Variants in PPP2R3A observed in about 807,000 individuals in gnomAD.
PPP2R3A encodes protein phosphatase 2 regulatory subunit B''alpha, also known as serine/threonine-protein phosphatase 2A regulatory subunit B'' subunit alpha.
Under a neutral mutation model 106.9 loss-of-function variants are expected in PPP2R3A, and 80 were observed. The observed-to-expected ratio is 0.75, with a 90% CI of 0.62 to 0.90. The LOEUF is 0.90. Among genes scored for constraint, PPP2R3A ranks in the 40% least tolerant of loss-of-function variants. PPP2R3A has a pLI of 0.00. For synonymous variants in PPP2R3A, 483 were observed against 468.3 expected (o/e 1.03, Z -0.41); for missense variants, 1,386 against 1,350.4 (o/e 1.03, Z -0.41).
Position 136,002,721 on chromosome 3 carries a change from C to G in PPP2R3A, c.1223C>G (p.Ser408Cys). Reference sequence around the variant, plus strand: ...ATGAATCCTTTAGAAAATGTTTCTTCTGACGACTTAATGGAAACTCTTTAT... The same window carrying G: ...ATGAATCCTTTAGAAAATGTTTCTTGTGACGACTTAATGGAAACTCTTTAT... ...LTMNPLENVS[S>C]DDLMETLYIE... The change falls in exon 2 of 14, where the codon TCT becomes TGT. Residue 408 changes from serine to cysteine, a missense_variant. Physicochemically the swap from Ser to Cys is moderately radical, Grantham distance 112. Coordinates refer to ENST00000264977, the MANE Select transcript of PPP2R3A (RefSeq NM_002718.5). 1 of 1,613,074 alleles carries G rather than the reference C, an allele frequency of 6.2e-7. No individual in the cohort carries two copies. Among genetic ancestry groups the G allele is most frequent in the Non-Finnish European group, 8.5e-7 (1 of 1,179,680 alleles).
intron 5 of PPP2R3A, among the ~76,000 whole-genome samples, chr3:136,061,503 C>T (rs1337788268): frequency 6.6e-6 from 1 of 152,158 alleles, no homozygotes; most frequent in Non-Finnish European, 1.5e-5. Context: ...TGGCACGTAC[C>T]TACAGTCCCA....
chr3:136,027,398 A>G (rs1436175298), intron 3 of PPP2R3A, among the ~76,000 whole-genome samples: 1 of 151,460 alleles, frequency 6.6e-6, no homozygotes, highest in Non-Finnish European at 1.5e-5. Context: ...TGTTTGTTAG[A>G]AAATTTTTCC....
chr3:136,055,616 T>G (rs1935835091), intron 5 of PPP2R3A: 1 of 1,381,550 alleles, frequency 7.2e-7, no homozygotes, highest in East Asian at 2.3e-5. Context: ...ACTGCTGTAT[T>G]TAACACCTGC....
chr3:136,125,605 G>A (rs1395236360), intron 13 of PPP2R3A, among the ~76,000 whole-genome samples: 1 of 152,052 alleles, frequency 6.6e-6, no homozygotes, highest in East Asian at 1.9e-4. Context: ...CTGGCACTTT[G>A]GGAGGCCAAG....
At chr3:136,142,233 T>C (rs1422918113) in intron 13 of PPP2R3A, among the ~76,000 whole-genome samples, 4 of 152,054 alleles carry the variant, frequency 2.6e-5, no homozygotes, top group Admixed American at 2.6e-4. Context: ...TGGGTAATTT[T>C]ATTGTGAGAC....
At chr3:136,033,105 A>T (rs185205667) in intron 3 of PPP2R3A, among the ~76,000 whole-genome samples, 2 of 152,270 alleles carry the variant, frequency 1.3e-5, no homozygotes, top group East Asian at 1.9e-4. Context: ...GATTTTATCA[A>T]ATGCTTTTTC....
chr3:136,117,717 A>G (rs149970068), intron 13 of PPP2R3A, among the ~76,000 whole-genome samples: 75 of 152,232 alleles, frequency 4.9e-4, no homozygotes, highest in Non-Finnish European at 3.2e-4. Context: ...TAACTTCTGA[A>G]ATTGAGGCAG....
chr3:136,147,490 T>C lies in PPP2R3A; in HGVS notation c.*2324T>C, dbSNP rs1387149239. 1 of 152,646 alleles carries C rather than the reference T, an allele frequency of 6.6e-6. No individual in the cohort carries two copies. Among genetic ancestry groups the C allele is most frequent in the Non-Finnish European group, 1.5e-5 (1 of 68,032 alleles). The allele number at this position is 152,646 out of a possible 1,614,324, so 9.5% of individuals were successfully genotyped here. ...AATGTGTTTTATTGTACTCCTTCCT[T>C]GGAGCTGAATGCAAGGAATGTGAAT... is the stretch of plus-strand genomic sequence containing the variant. On this transcript the variant is annotated 3_prime_UTR_variant, in exon 14 of 14. Transcript: ENST00000264977.
At chr3:136,052,165 T>G (rs1935706787) in intron 5 of PPP2R3A, among the ~76,000 whole-genome samples, 1 of 152,196 alleles carries the variant, frequency 6.6e-6, no homozygotes, top group South Asian at 2.1e-4. Flanking sequence ...TTATTACCAG[T>G]TCTCTACTGC....
chr3:136,112,456 C>G (rs1268732025), intron 13 of PPP2R3A, among the ~76,000 whole-genome samples: 1 of 152,092 alleles, frequency 6.6e-6, no homozygotes, highest in Non-Finnish European at 1.5e-5. Context: ...GATACAAAAT[C>G]AGTGTACAAA....
chr3:136,025,910 G>T lies in PPP2R3A; in HGVS notation c.1996-922G>T, dbSNP rs570907761. Among the ~76,000 whole-genome samples, 36 of 152,082 alleles carry T rather than the reference G, an allele frequency of 2.4e-4. No homozygotes were observed. In the South Asian group the frequency reaches 7.3e-3, roughly 31 times the overall value. On this transcript the variant is annotated intron_variant, in intron 2 of 13. Transcript: ENST00000264977. ...CATGGAATCTTTTTTGCTTTTTCTG[G>T]TAAGAATCTCAGAACTAAATTTAGT...
intron 3 of PPP2R3A, among the ~76,000 whole-genome samples, chr3:136,039,550 C>G (rs1444070988): frequency 6.6e-6 from 1 of 152,106 alleles, no homozygotes; most frequent in East Asian, 1.9e-4. Flanking sequence ...AGTGCACAAC[C>G]TAGATCCCTT....
chr3:136,090,635 G>A lies in PPP2R3A; in HGVS notation c.2895G>A (p.Leu965=). The A allele has an allele frequency of 6.2e-7, 1 of 1,613,486 alleles. No homozygotes were observed. Among genetic ancestry groups the A allele is most frequent in the Non-Finnish European group, 8.5e-7 (1 of 1,179,628 alleles). The change falls in exon 10 of 14, where the codon TTG becomes TTA. Residue 965 remains leucine (L), a synonymous_variant. Coordinates refer to ENST00000264977, the MANE Select transcript of PPP2R3A (RefSeq NM_002718.5). ...GCTATGCAGATTTTGTTTGGTTTTT[G>A]ATCTCTGAAGAAGACAAAAGGAATC... ...RMSYADFVWF[L]ISEEDKRNPT...
chr3:135,985,638 C>G (rs1166183092), intron 1 of PPP2R3A, among the ~76,000 whole-genome samples: 2 of 152,128 alleles, frequency 1.3e-5, no homozygotes, highest in Admixed American at 6.6e-5. Context: ...TTACTTGGAA[C>G]TCACCAGTAA....
intron 1 of PPP2R3A, among the ~76,000 whole-genome samples, chr3:135,990,382 T>G (rs2107772438): frequency 6.6e-6 from 1 of 152,300 alleles, no homozygotes. Flanking sequence ...CACTAGAATG[T>G]GATCTCCATC....
In PPP2R3A at chr3:136,038,857, C is replaced by CA. The variant is rs1227980794; in HGVS notation, c.2263-1998dup. The stretch of plus-strand genomic sequence containing the variant: ...TGGTAATAATTATGTATACAATAAA[C>CA]AAAATCACATGGTTGCTAAGCAACA... On this transcript the variant is annotated intron_variant, in intron 3 of 13. Coordinates refer to ENST00000264977, the MANE Select transcript of PPP2R3A (RefSeq NM_002718.5). Among the ~76,000 whole-genome samples, 6 of 152,300 alleles carry CA rather than the reference C, an allele frequency of 3.9e-5. No homozygotes were observed. In the South Asian group the frequency reaches 1.0e-3, roughly 26 times the overall value.
In PPP2R3A at chr3:136,003,079, AAG is replaced by A. The variant is rs767008021; in HGVS notation, c.1586_1587del (p.Glu529AlafsTer6). ...TTTCACAGAAGATGGAGACCTCTCT[AAG>A]AGAGCCACTTGCGAAGGGTAAAAAC... The part of the protein sequence containing the change: ...SFSQKMETSL[R>X]EPLAKGKNSN... On this transcript the variant is annotated frameshift_variant, in exon 2 of 14. Transcript: ENST00000264977. LOFTEE classifies it high-confidence loss of function. 2 of 1,611,536 alleles carry A rather than the reference AAG, an allele frequency of 1.2e-6. No individual in the cohort carries two copies. Among genetic ancestry groups the A allele is most frequent in the South Asian group, 1.1e-5 (1 of 90,390 alleles).
At chr3:135,998,323 G>A (rs2107783366) in intron 1 of PPP2R3A, among the ~76,000 whole-genome samples, 1 of 152,292 alleles carries the variant, frequency 6.6e-6, no homozygotes, top group South Asian at 2.1e-4. Context: ...GTCTGATTCA[G>A]ATGCTCCCTC....
chr3:136,022,310 A>C (rs1355729568), intron 2 of PPP2R3A, among the ~76,000 whole-genome samples: 1 of 152,116 alleles, frequency 6.6e-6, no homozygotes, highest in African/African-American at 2.4e-5. Context: ...GTTCATCATC[A>C]GTTCAAGAAA....
Sources: allele counts gnomAD v4.1 joint callset (sites outside exome capture counted in the v4.1 genomes callset), GRCh38; gene constraint gnomAD v4.1.1; transcripts MANE v1.5; gene names NCBI Gene and HGNC (gene_info 2026-07-23, HGNC 2026-07-21).